The following SYN2 variants were observed in gnomAD, a reference collection of about 807,000 sequenced individuals.
The protein encoded by SYN2 is synapsin-2.
A neutral mutation model predicts 50.9 loss-of-function variants in SYN2; 19 were observed. The ratio of observed to expected loss-of-function variants is 0.37; its 90% CI spans 0.26 to 0.55. The LOEUF (loss-of-function observed/expected upper bound fraction) is 0.55, where lower values mean the gene tolerates loss of function less well. SYN2 is among the 20% of genes least tolerant of loss of function. SYN2 has a pLI of 0.81. For missense variants in SYN2, 587 were observed against 576.4 expected (o/e 1.02, Z -0.19); for synonymous variants, 255 against 224.9 (o/e 1.13, Z -1.20).
chr3:12,101,028 C>A (rs1190438691), intron 1 of SYN2, among the ~76,000 whole-genome samples: 1 of 152,152 alleles, frequency 6.6e-6, no homozygotes, highest in Non-Finnish European at 1.5e-5. Context: ...TACACCACTA[C>A]TGGGAATGCA....
chr3:12,167,353 G>A, intron 8 of SYN2, 45 bp downstream of exon 8: 2 of 1,566,652 alleles, frequency 1.3e-6, no homozygotes, highest in Non-Finnish European at 1.7e-6. Flanking sequence ...GTGAGAGGGA[G>A]GCTTCCTTAG....
intron 3 of SYN2, among the ~76,000 whole-genome samples, chr3:12,144,025 C>G (rs1183315957): frequency 1.3e-5 from 2 of 152,170 alleles, no homozygotes; most frequent in Admixed American, 1.3e-4. Context: ...GCTGCCTGGG[C>G]AGAGAACCAA....
At chr3:12,009,246 C>T (rs1462539199) in intron 1 of SYN2, among the ~76,000 whole-genome samples, 2 of 151,976 alleles carry the variant, frequency 1.3e-5, no homozygotes, top group Non-Finnish European at 2.9e-5. Flanking sequence ...ATCTCGATCT[C>T]GAGAGGGGAT....
chr3:12,071,231 C>T (rs1574923112), intron 1 of SYN2: 12 of 554,422 alleles, frequency 2.2e-5, no homozygotes, highest in South Asian at 1.8e-4. Flanking sequence ...ATCATCGTGC[C>T]CCCAGAGCGC....
At chr3:12,183,238 G>A in intron 10 of SYN2, 74 bp from the exon 11 acceptor site, 1 of 1,533,200 alleles carries the variant, frequency 6.5e-7, no homozygotes, top group East Asian at 2.4e-5. Context: ...GCCTTGCCAT[G>A]GAGCCACGTG....
intron 12 of SYN2, among the ~76,000 whole-genome samples, chr3:12,189,077 A>T (rs1195730451): frequency 6.6e-6 from 1 of 152,206 alleles, no homozygotes; most frequent in Non-Finnish European, 1.5e-5. Flanking sequence ...CAGTCACTGC[A>T]GGCAGAGAGA....
chr3:12,064,189 C>G (rs1272145599), intron 1 of SYN2, among the ~76,000 whole-genome samples: 2 of 151,798 alleles, frequency 1.3e-5, no homozygotes, highest in African/African-American at 4.8e-5. Flanking sequence ...GAGGGGCAGT[C>G]TACAAAACAC....
chr3:12,081,243 GT>G (rs1037143753), intron 1 of SYN2, among the ~76,000 whole-genome samples: 1 of 152,148 alleles, frequency 6.6e-6, no homozygotes, highest in African/African-American at 2.4e-5. Flanking sequence ...ATGCATTGCT[GT>G]AAGAATGTCC....
intron 1 of SYN2, among the ~76,000 whole-genome samples, chr3:12,085,164 C>T (rs1323509523): frequency 6.6e-6 from 1 of 150,406 alleles, no homozygotes; most frequent in Middle Eastern, 3.4e-3. Flanking sequence ...GTTAAGGACA[C>T]ATGTAGACTC....
chr3:12,011,997 CT>C (rs948166785), intron 1 of SYN2, among the ~76,000 whole-genome samples: 4 of 152,056 alleles, frequency 2.6e-5, no homozygotes, highest in African/African-American at 4.8e-5. Context: ...ACCTTGGTTC[CT>C]TTTTTGAGTT....
At chr3:12,188,500 A>G (rs1330297727) in intron 12 of SYN2, among the ~76,000 whole-genome samples, 2 of 152,246 alleles carry the variant, frequency 1.3e-5, no homozygotes, top group African/African-American at 4.8e-5. Flanking sequence ...GTGACGGGCA[A>G]CAAATGACTC....
intron 5 of SYN2, among the ~76,000 whole-genome samples, chr3:12,155,347 A>G (rs2125228804): frequency 6.6e-6 from 1 of 152,334 alleles, no homozygotes; most frequent in Admixed American, 6.5e-5. Context: ...ACATACAATT[A>G]TTTCCATCTA....
chr3:12,184,878 C>T, intron 11 of SYN2: 1 of 985,694 alleles, frequency 1.0e-6, no homozygotes, highest in Non-Finnish European at 1.2e-6. Context: ...CAGCAGCTTG[C>T]CTTTGAGAAG....
At chr3:12,128,485 G>C (rs188735287) in intron 1 of SYN2, among the ~76,000 whole-genome samples, 3 of 152,044 alleles carry the variant, frequency 2.0e-5, no homozygotes, top group Admixed American at 1.3e-4. Context: ...CCTTCTTCAG[G>C]CTTCTGTTTC....
chr3:12,062,397 C>A (rs1299413001), intron 1 of SYN2, among the ~76,000 whole-genome samples: 2 of 151,892 alleles, frequency 1.3e-5, no homozygotes, highest in African/African-American at 4.8e-5. Context: ...AACTAGAAAT[C>A]TTCTGGAAGA....
chr3:12,039,156 T>TA (rs1349218865), intron 1 of SYN2, among the ~76,000 whole-genome samples: 2 of 152,198 alleles, frequency 1.3e-5, no homozygotes, highest in African/African-American at 4.8e-5. Context: ...TGTCTATTGA[T>TA]ACGATTATTT....
intron 1 of SYN2, among the ~76,000 whole-genome samples, chr3:12,023,375 C>T (rs1186770967): frequency 2.0e-5 from 3 of 151,740 alleles, no homozygotes; most frequent in African/African-American, 4.8e-5. Flanking sequence ...CCCCCACCCC[C>T]AAAGAAACAG....
At chr3:12,157,908 C>T (rs917350878) in intron 5 of SYN2, among the ~76,000 whole-genome samples, 2 of 152,004 alleles carry the variant, frequency 1.3e-5, no homozygotes, top group African/African-American at 4.8e-5. Context: ...TTATTGAATT[C>T]ATAAATGTTC....
intron 10 of SYN2, 138 bp downstream of exon 10, chr3:12,170,044 C>T (rs1697904937): frequency 8.9e-7 from 1 of 1,119,084 alleles, no homozygotes; most frequent in Admixed American, 3.0e-5. Context: ...TCTCCCTCTT[C>T]CTTCCCTTCC....
Sources: gnomAD v4.1 joint callset for allele counts (sites outside exome capture counted in the v4.1 genomes callset) on GRCh38, gnomAD v4.1.1 for gene constraint, MANE v1.5 for transcripts, NCBI Gene and HGNC (gene_info 2026-07-23, HGNC 2026-07-21) for gene names.